OCA2: variants seen among roughly 807,000 people sequenced by gnomAD.
OCA2 encodes the protein P protein.
Under a neutral mutation model 100.2 loss-of-function variants are expected in OCA2, and 77 were observed. The observed-to-expected ratio is 0.77, with a 90% CI of 0.64 to 0.93. The LOEUF (loss-of-function observed/expected upper bound fraction) is 0.93. Among genes scored for constraint, OCA2 ranks in the 40% least tolerant of loss-of-function variants. The pLI, the probability that OCA2 is intolerant of heterozygous loss-of-function variation, is 0.00. For missense variants in OCA2, 1,062 were observed against 1,089.1 expected, an observed-to-expected ratio of 0.98 and a Z score of 0.35; for synonymous variants, 432 against 439.2, an observed-to-expected ratio of 0.98 and a Z score of 0.21.
At chr15:28,057,806 A>G (rs1562587) in intron 2 of OCA2, among the ~76,000 whole-genome samples, 52,075 of 152,082 alleles carry the variant, frequency 0.34, 13,996 homozygotes, top group East Asian at 0.88. Flanking sequence ...ACGTCATCAC[A>G]AAGACGGGTG....
chr15:27,777,065 C>T (rs1047075675), intron 23 of OCA2, among the ~76,000 whole-genome samples: 6 of 151,970 alleles, frequency 3.9e-5, no homozygotes, highest in Non-Finnish European at 7.4e-5. Context: ...ACATCCCCAT[C>T]GGCGCCCAGC....
rs750817182 is a variant in OCA2 at position 28,009,495 on chromosome 15, C to CT, written c.1044+5280dup. 6.6e-5 allele frequency among the ~76,000 whole-genome samples: 10 copies of CT among 152,122 alleles called. No homozygotes were observed. The East Asian group carries it at 9.7e-4, about 15-fold the overall frequency. On this transcript the variant is annotated intron_variant, in intron 9 of 23. Coordinates refer to ENST00000354638, the MANE Select transcript of OCA2 (RefSeq NM_000275.3). ...TTGAGGCCAGGAGTTCATGACCAGC[C>CT]TGGCCAACATGGCAAAAGCCCGTCT...
chr15:28,001,798 T>A (rs549141844), intron 9 of OCA2, among the ~76,000 whole-genome samples: 1 of 152,248 alleles, frequency 6.6e-6, no homozygotes, highest in East Asian at 1.9e-4. Flanking sequence ...AGCATGCACC[T>A]CAGCGATGCC....
At chr15:27,725,367 A>G in the OCA2 span, among the ~76,000 whole-genome samples, 1 of 152,194 alleles carries the variant, frequency 6.6e-6, no homozygotes, top group African/African-American at 2.4e-5. Flanking sequence ...ACCTGAGGTC[A>G]GGAGTTCAAG....
At chr15:27,721,971 T>C in the OCA2 span, among the ~76,000 whole-genome samples, 30 of 152,336 alleles carry the variant, frequency 2.0e-4, no homozygotes, top group Non-Finnish European at 3.2e-4. Context: ...TCTTCTAAAA[T>C]TGATGGAGAC....
At chr15:27,794,657 A>G (rs2033247371) in intron 23 of OCA2, among the ~76,000 whole-genome samples, 1 of 152,196 alleles carries the variant, frequency 6.6e-6, no homozygotes, top group Non-Finnish European at 1.5e-5. Context: ...GGAATTTAAA[A>G]GAAAAGTATA....
chr15:27,989,455 G>T, intron 11 of OCA2, 146 bp downstream of exon 11: 1 of 726,302 alleles, frequency 1.4e-6, no homozygotes. Flanking sequence ...CTCCTCAGGA[G>T]ATTCATGAGA....
intron 17 of OCA2, 127 bp downstream of exon 17, chr15:27,955,031 G>A (rs564828560): frequency 7.3e-5 from 58 of 792,080 alleles, no homozygotes; most frequent in South Asian, 1.7e-4. Context: ...AAACCTCAAC[G>A]TCTTGTGTAT....
At chr15:28,040,363 TA>T (rs2043167523) in intron 2 of OCA2, among the ~76,000 whole-genome samples, 1 of 152,132 alleles carries the variant, frequency 6.6e-6, no homozygotes, top group Non-Finnish European at 1.5e-5. Context: ...AAAGCAGTAC[TA>T]AAAGGGAAAT....
chr15:27,902,548 T>C (rs975366256), intron 19 of OCA2, among the ~76,000 whole-genome samples: 1 of 152,202 alleles, frequency 6.6e-6, no homozygotes, highest in African/African-American at 2.4e-5. Flanking sequence ...AAGCCTATGG[T>C]AAATCTTGCA....
chr15:28,067,538 T>A (rs2044063604), intron 2 of OCA2, among the ~76,000 whole-genome samples: 1 of 152,214 alleles, frequency 6.6e-6, no homozygotes, highest in Non-Finnish European at 1.5e-5. Flanking sequence ...TATGTCCTTA[T>A]TTTCATTAAT....
intron 23 of OCA2, among the ~76,000 whole-genome samples, chr15:27,783,572 C>G (rs1046062489): frequency 6.6e-6 from 1 of 152,134 alleles, no homozygotes; most frequent in Non-Finnish European, 1.5e-5. Flanking sequence ...CAGCTGCTAG[C>G]CAGGGCAGAT....
rs1282448249 is a variant in OCA2, at chr15:28,032,074, T to C, written c.317A>G (p.Gln106Arg). 2 of 1,612,042 alleles carry C rather than the reference T, an allele frequency of 1.2e-6. No homozygotes were observed. Among genetic ancestry groups the C allele is most frequent in the Admixed American group, 3.3e-5 (2 of 60,026 alleles). Residue 106 changes from glutamine to arginine, a missense_variant, in exon 3 of 24, where the codon CAG (glutamine) becomes CGG (arginine). Gln to Arg is a conservative substitution (Grantham distance 43, BLOSUM62 1). Transcript: ENST00000354638. Reference protein sequence around the residue: ...ENTPLLRNSLQEKGSRCIPVY... With the variant: ...ENTPLLRNSLREKGSRCIPVY... Reference sequence around the variant, plus strand: ...GGGGAAAATATCTCACCCTTTCTCCTGTAAGGAATTCCTCAGCAAAGGAGT... The same window carrying C: ...GGGGAAAATATCTCACCCTTTCTCCCGTAAGGAATTCCTCAGCAAAGGAGT...
intron 15 of OCA2, among the ~76,000 whole-genome samples, chr15:27,963,729 C>T (rs565881478): frequency 1.8e-4 from 27 of 151,476 alleles, no homozygotes; most frequent in Non-Finnish European, 3.5e-4. Flanking sequence ...ATAAGCAAGC[C>T]TGAAAGTAAG....
chr15:28,053,444 C>T (rs1410525906), intron 2 of OCA2, among the ~76,000 whole-genome samples: 1 of 152,200 alleles, frequency 6.6e-6, no homozygotes, highest in Non-Finnish European at 1.5e-5. Flanking sequence ...TCTCCCAGCC[C>T]CTGTGCCAGA....
Position 27,997,495 on chromosome 15 carries a change from C to T in OCA2, c.1045-6848G>A, listed in dbSNP as rs376767789. ...CAAAGATCAGATAGTTGTAGATATG[C>T]GGCGTTATTTCTGAGGGCTCTGTTC... is the stretch of plus-strand genomic sequence containing the variant. On this transcript the variant is annotated intron_variant, in intron 9 of 23. Transcript: ENST00000354638. Among the ~76,000 whole-genome samples the T allele has an allele frequency of 5.9e-4, 90 of 151,646 alleles. No individual in the cohort carries two copies. In the South Asian group the frequency reaches 9.8e-3, roughly 17 times the overall value.
intron 9 of OCA2, among the ~76,000 whole-genome samples, chr15:28,002,665 G>A (rs1224941254): frequency 6.6e-6 from 1 of 152,178 alleles, no homozygotes; most frequent in African/African-American, 2.4e-5. Context: ...TCAGCGGGCT[G>A]ATGGGGTGGG....
Position 27,800,241 on chromosome 15 carries a change from C to G in OCA2, c.2432+44718G>C, listed in dbSNP as rs575345125. On this transcript the variant is annotated intron_variant, in intron 23 of 23. Coordinates refer to ENST00000354638, the MANE Select transcript of OCA2 (RefSeq NM_000275.3). ...GGTAGAAATCAGTAACACTAAACAT[C>G]TATATTGAAAAAGTGTCATATCAAT... Among the ~76,000 whole-genome samples, 112 of 151,958 alleles carry G rather than the reference C, an allele frequency of 7.4e-4. 1 individual carries two copies. Among genetic ancestry groups the G allele is most frequent in the Non-Finnish European group, 4.4e-5 (3 of 67,972 alleles).
At chr15:27,905,658 C>T (rs1400099899) in intron 19 of OCA2, among the ~76,000 whole-genome samples, 2 of 152,224 alleles carry the variant, frequency 1.3e-5, no homozygotes, top group African/African-American at 2.4e-5. Flanking sequence ...GAGGTAAAAG[C>T]GGGGTTCCGC....
Sources: allele counts gnomAD v4.1 joint callset (sites outside exome capture counted in the v4.1 genomes callset), GRCh38; gene constraint gnomAD v4.1.1; transcripts MANE v1.5; gene names NCBI Gene and HGNC (gene_info 2026-07-23, HGNC 2026-07-21).